Variants in PARP8 observed in about 807,000 individuals in gnomAD.
PARP8 encodes protein mono-ADP-ribosyltransferase PARP8.
A neutral mutation model predicts 124.1 loss-of-function variants in PARP8; 51 were observed. The ratio of observed to expected loss-of-function variants is 0.41; its 90% CI spans 0.33 to 0.52. The LOEUF is 0.52. PARP8 is among the 20% of genes least tolerant of loss of function. PARP8 has a pLI of 0.21. For missense variants in PARP8, 860 were observed against 1,018.9 expected, an observed-to-expected ratio of 0.84 and a Z score of 2.12; for synonymous variants, 391 against 361.5, an observed-to-expected ratio of 1.08 and a Z score of -0.93.
intron 3 of PARP8, among the ~76,000 whole-genome samples, chr5:50,752,836 A>C (rs1294393061): frequency 6.6e-6 from 1 of 152,076 alleles, no homozygotes; most frequent in Non-Finnish European, 1.5e-5. Flanking sequence ...CTATGAAAAT[A>C]TATCAGTATT....
At chr5:50,695,188 T>C (rs1752897429) in intron 2 of PARP8, among the ~76,000 whole-genome samples, 1 of 152,170 alleles carries the variant, frequency 6.6e-6, no homozygotes, top group Admixed American at 6.6e-5. Flanking sequence ...ATACTGGCTA[T>C]GTAGAATCTA....
chr5:50,760,863 CA>C (rs1760476076), intron 5 of PARP8, among the ~76,000 whole-genome samples: 1 of 152,016 alleles, frequency 6.6e-6, no homozygotes, highest in South Asian at 2.1e-4. Flanking sequence ...GGATATTAAA[CA>C]AACAAAATGA....
In PARP8 at chr5:50,704,714, A is replaced by G. The variant is rs1287985406; in HGVS notation, c.146+36589A>G. 1.3e-5 allele frequency among the ~76,000 whole-genome samples: 2 copies of G among 152,310 alleles called. 1 individual carries two copies. The highest frequency in any genetic ancestry group is 6.8e-3 in the Middle Eastern group (2 of 294). On this transcript the variant is annotated intron_variant, in intron 2 of 25. Coordinates refer to ENST00000281631, the MANE Select transcript of PARP8 (RefSeq NM_024615.4). ...ATTGGAATGATAGTGTTTTGGCTGT[A>G]TGGGACTAAATAAGGTATATTATTA... is the stretch of plus-strand genomic sequence containing the variant.
intron 2 of PARP8, among the ~76,000 whole-genome samples, chr5:50,735,515 C>A (rs1757382154): frequency 6.6e-6 from 1 of 152,104 alleles, no homozygotes; most frequent in African/African-American, 2.4e-5. Flanking sequence ...AAGTATTATT[C>A]ATCTCTCCTA....
intron 9 of PARP8, among the ~76,000 whole-genome samples, chr5:50,781,304 C>T (rs1394419805): frequency 2.0e-5 from 3 of 148,258 alleles, no homozygotes; most frequent in Non-Finnish European, 3.0e-5. Context: ...TGTTTAGTGT[C>T]GTTTTGAATT....
intron 3 of PARP8, among the ~76,000 whole-genome samples, chr5:50,753,335 A>T (rs1159947479): frequency 6.6e-6 from 1 of 152,102 alleles, no homozygotes; most frequent in Non-Finnish European, 1.5e-5. Context: ...GTGAGTCTAA[A>T]GAGTCTTGAC....
chr5:50,834,851 A>T, intron 24 of PARP8, 80 bp from the exon 25 acceptor site: 1 of 1,216,864 alleles, frequency 8.2e-7, no homozygotes, highest in Non-Finnish European at 1.2e-6. Context: ...GATTTCAACG[A>T]GAAGAGATAT....
At chr5:50,839,485 A>G (rs750346809) in intron 25 of PARP8, among the ~76,000 whole-genome samples, 5 of 151,944 alleles carry the variant, frequency 3.3e-5, no homozygotes, top group Non-Finnish European at 7.4e-5. Context: ...CAGTTGCCCA[A>G]AGTAAATGGA....
At chr5:50,807,207 G>C (rs1743947378) in intron 14 of PARP8, among the ~76,000 whole-genome samples, 1 of 151,768 alleles carries the variant, frequency 6.6e-6, no homozygotes, top group Non-Finnish European at 1.5e-5. Flanking sequence ...AGAGGTCTAG[G>C]TTAGCATGTC....
intron 2 of PARP8, chr5:50,744,762 G>C (rs1207193542): frequency 1.4e-6 from 1 of 701,594 alleles, no homozygotes; most frequent in South Asian, 1.5e-5. Flanking sequence ...CCAGGGATGT[G>C]AGGACAAAAG....
At chr5:50,747,737 C>G (rs531457568) in intron 2 of PARP8, among the ~76,000 whole-genome samples, 1 of 138,838 alleles carries the variant, frequency 7.2e-6, no homozygotes, top group Non-Finnish European at 1.6e-5. Flanking sequence ...TAATATGGAT[C>G]TCTCAAAGAT....
chr5:50,837,721 G>A (rs1747738974), intron 25 of PARP8, among the ~76,000 whole-genome samples: 1 of 151,626 alleles, frequency 6.6e-6, no homozygotes, highest in Non-Finnish European at 1.5e-5. Context: ...GAGAAAAATT[G>A]GAGGGAAATT....
intron 2 of PARP8, among the ~76,000 whole-genome samples, chr5:50,742,495 G>A (rs1450688076): frequency 6.6e-6 from 1 of 152,068 alleles, no homozygotes; most frequent in African/African-American, 2.4e-5. Flanking sequence ...GTAGGTGGTT[G>A]GTGGGAGACA....
intron 2 of PARP8, among the ~76,000 whole-genome samples, chr5:50,717,268 AAAG>A (rs745744287): frequency 2.0e-5 from 3 of 152,038 alleles, no homozygotes; most frequent in African/African-American, 2.4e-5. Flanking sequence ...GGGGTTAAAA[AAAG>A]GGGAAATGCA....
At chr5:50,765,514 A>C (rs1760972431) in intron 7 of PARP8, among the ~76,000 whole-genome samples, 2 of 152,120 alleles carry the variant, frequency 1.3e-5, no homozygotes, top group Non-Finnish European at 2.9e-5. Flanking sequence ...TAGATTAAAA[A>C]ATGTTTGGAA....
chr5:50,778,462 T>C, intron 8 of PARP8, 98 bp from the exon 9 acceptor site: 1 of 964,570 alleles, frequency 1.0e-6, no homozygotes, highest in Non-Finnish European at 1.6e-6. Context: ...TCATGTTATA[T>C]GCATTTTGCG....
In PARP8 at chr5:50,761,875, G is replaced by T; in HGVS notation, c.400G>T (p.Glu134Ter). ...EEDSEGDNDSEEFYYGGQVNY... is the reference protein window; with the variant it reads ...EEDSEGDNDS ...AGATTCTGAAGGTGACAATGATTCC[G>T]AAGAATTTTATTACGGAGGGCAGGT... The change falls in exon 6 of 26, where the codon GAA (glutamate) becomes TAA (stop). Residue 134 changes from glutamate to a stop codon, truncating the protein, a stop_gained. Coordinates refer to ENST00000281631, the MANE Select transcript of PARP8 (RefSeq NM_024615.4). LOFTEE classifies it high-confidence loss of function. 1 of 1,602,606 alleles carries T rather than the reference G, an allele frequency of 6.2e-7. No homozygotes were observed. Among genetic ancestry groups the T allele is most frequent in the Non-Finnish European group, 8.5e-7 (1 of 1,172,280 alleles).
At position 50,828,160 on chromosome 5, in the gene PARP8, G is replaced by A. The variant is rs1276523026; in HGVS notation, c.2090+104G>A. ...TTCAGTAAATGATCATTCAGTAGAT[G>A]GTCATTCAACAGATGGTCATGTAGT... is the stretch of plus-strand genomic sequence containing the variant. On this transcript the variant is annotated intron_variant, in intron 20 of 25. Coordinates refer to ENST00000281631, the MANE Select transcript of PARP8 (RefSeq NM_024615.4). 4.4e-6 allele frequency: 5 copies of A among 1,140,354 alleles called. No individual in the cohort carries two copies. The African/African-American group carries it at 6.2e-5, about 14-fold the overall frequency. The allele number at this position is 1,140,354 out of a possible 1,614,324, so 70.6% of individuals were successfully genotyped here. A position where few individuals can be genotyped will look rare whatever the true frequency, so the allele number is the denominator to read the frequency against.
intron 14 of PARP8, among the ~76,000 whole-genome samples, chr5:50,809,782 C>G (rs1480730006): frequency 6.6e-6 from 1 of 151,974 alleles, no homozygotes; most frequent in African/African-American, 2.4e-5. Context: ...ATTTGAAAAC[C>G]ACTCATCTAC....
Sources: gnomAD v4.1 joint callset for allele counts (sites outside exome capture counted in the v4.1 genomes callset) on GRCh38, gnomAD v4.1.1 for gene constraint, MANE v1.5 for transcripts, NCBI Gene and HGNC (gene_info 2026-07-23, HGNC 2026-07-21) for gene names.